The following PTPRO variants were observed in gnomAD, a reference collection of about 807,000 sequenced individuals.
PTPRO encodes protein tyrosine phosphatase receptor type O.
In PTPRO, 62 loss-of-function variants were observed where a neutral mutation model predicts 145.2. The observed-to-expected ratio is 0.43, with a 90% CI of 0.35 to 0.53. PTPRO has a LOEUF of 0.53. Among genes scored for constraint, PTPRO ranks in the 20% least tolerant of loss-of-function variants. PTPRO has a pLI of 0.01. For synonymous variants in PTPRO, 565 were observed against 514.7 expected, an observed-to-expected ratio of 1.10 and a Z score of -1.32; for missense variants, 1,345 against 1,482.7, an observed-to-expected ratio of 0.91 and a Z score of 1.53.
intron 1 of PTPRO, among the ~76,000 whole-genome samples, chr12:15,352,376 C>T (rs1214374400): frequency 6.6e-6 from 1 of 152,184 alleles, no homozygotes; most frequent in Admixed American, 6.5e-5. Flanking sequence ...TTCAGCCAGG[C>T]GTGGTGGCTC....
chr12:15,462,149 C>A (rs1267003838), intron 1 of PTPRO, among the ~76,000 whole-genome samples: 1 of 151,996 alleles, frequency 6.6e-6, no homozygotes, highest in African/African-American at 2.4e-5. Context: ...TTTGAGACGG[C>A]ATTTCACCCT....
chr12:15,575,611 A>G (rs1402708636), intron 19 of PTPRO, among the ~76,000 whole-genome samples: 1 of 152,224 alleles, frequency 6.6e-6, no homozygotes, highest in Non-Finnish European at 1.5e-5. Flanking sequence ...TATGCTTCAA[A>G]CACAGCCAAC....
chr12:15,583,674 A>G (rs999431852), intron 23 of PTPRO, among the ~76,000 whole-genome samples: 6 of 152,222 alleles, frequency 3.9e-5, no homozygotes, highest in Non-Finnish European at 7.3e-5. Flanking sequence ...AACCAAAACT[A>G]TATGATCTGC....
chr12:15,360,790 G>A (rs1015218822), intron 1 of PTPRO, among the ~76,000 whole-genome samples: 11 of 140,798 alleles, frequency 7.8e-5, no homozygotes, highest in Non-Finnish European at 1.7e-4. Flanking sequence ...ATATATGTGT[G>A]TATATGTGTG....
chr12:15,482,873 A>T (rs1045914202), intron 1 of PTPRO, among the ~76,000 whole-genome samples: 4 of 152,130 alleles, frequency 2.6e-5, no homozygotes, highest in Non-Finnish European at 4.4e-5. Context: ...AATGAGACTG[A>T]TTTTTTGTAC....
intron 1 of PTPRO, among the ~76,000 whole-genome samples, chr12:15,423,320 G>T (rs1227259187): frequency 1.3e-5 from 2 of 152,232 alleles, no homozygotes; most frequent in East Asian, 3.9e-4. Context: ...TGTGAAATTA[G>T]ACCATTAATT....
At chr12:15,528,332 T>C (rs866133899) in intron 12 of PTPRO, among the ~76,000 whole-genome samples, 92 of 146,634 alleles carry the variant, frequency 6.3e-4, no homozygotes, top group Non-Finnish European at 4.2e-4. Flanking sequence ...CTGGCTAACA[T>C]GGTGAAACCC....
intron 1 of PTPRO, among the ~76,000 whole-genome samples, chr12:15,347,597 C>T (rs896946540): frequency 6.6e-6 from 1 of 152,158 alleles, no homozygotes; most frequent in Non-Finnish European, 1.5e-5. Context: ...GTTTCACAAA[C>T]CTTGGCACAT....
intron 12 of PTPRO, among the ~76,000 whole-genome samples, chr12:15,530,595 A>G (rs1942941624): frequency 6.6e-6 from 1 of 152,184 alleles, no homozygotes; most frequent in Non-Finnish European, 1.5e-5. Flanking sequence ...AAACAAACAC[A>G]TGGAAATTGA....
Position 15,551,537 on chromosome 12 carries a change from A to T in PTPRO, c.2438-14A>T, listed in dbSNP as rs1276609156. The stretch of plus-strand genomic sequence containing the variant: ...AGAGAACCTATGATGAAAATGCACA[A>T]CTTATCTCTTTAGTTACAGAGATGA... On this transcript the variant is annotated splice_polypyrimidine_tract_variant and intron_variant, in intron 14 of 26. Coordinates refer to ENST00000281171, the MANE Select transcript of PTPRO (RefSeq NM_030667.3). 11 of 1,612,360 alleles carry T rather than the reference A, an allele frequency of 6.8e-6. No individual in the cohort carries two copies. Among genetic ancestry groups the T allele is most frequent in the Middle Eastern group, 3.3e-4 (2 of 6,078 alleles).
intron 4 of PTPRO, among the ~76,000 whole-genome samples, chr12:15,500,358 C>T (rs1942195344): frequency 6.6e-6 from 1 of 152,170 alleles, no homozygotes; most frequent in African/African-American, 2.4e-5. Flanking sequence ...AGCTAAATCA[C>T]TAATTCACCT....
chr12:15,453,686 T>C (rs1941104198), intron 1 of PTPRO, among the ~76,000 whole-genome samples: 2 of 152,210 alleles, frequency 1.3e-5, no homozygotes, highest in South Asian at 4.1e-4. Flanking sequence ...CAAGAACTTA[T>C]GATCTTGCAT....
chr12:15,526,300 C>G (rs1565685356), intron 12 of PTPRO, 38 bp downstream of exon 12: 1 of 1,610,778 alleles, frequency 6.2e-7, no homozygotes, highest in East Asian at 2.2e-5. Context: ...GAAATAATCA[C>G]TAATGTTTGC....
intron 1 of PTPRO, among the ~76,000 whole-genome samples, chr12:15,388,538 T>C (rs903786205): frequency 6.6e-6 from 1 of 152,200 alleles, no homozygotes; most frequent in African/African-American, 2.4e-5. Flanking sequence ...AAGGCACTAG[T>C]GTCTGAGCAG....
rs369906913 is a variant in PTPRO, at chr12:15,480,758, G to C, written c.76-3216G>C. ...GGATGGATGGATGGATGGATGGATG[G>C]ATGGATGCATGGATGGACGGACGGA... On this transcript the variant is annotated intron_variant, in intron 1 of 26. Coordinates refer to ENST00000281171, the MANE Select transcript of PTPRO (RefSeq NM_030667.3). Among the ~76,000 whole-genome samples, 829 of 151,122 alleles carry C rather than the reference G, an allele frequency of 5.5e-3. 2 individuals are homozygous for C. Among genetic ancestry groups the C allele is most frequent in the Non-Finnish European group, 9.1e-3 (618 of 67,644 alleles).
At chr12:15,416,697 T>G (rs1939988322) in intron 1 of PTPRO, among the ~76,000 whole-genome samples, 1 of 148,976 alleles carries the variant, frequency 6.7e-6, no homozygotes, top group South Asian at 2.1e-4. Flanking sequence ...TCTTGTATCC[T>G]ATCAGTGGTT....
Position 15,412,814 on chromosome 12 carries a change from G to A in PTPRO, c.76-71160G>A, listed in dbSNP as rs377352371. On this transcript the variant is annotated intron_variant, in intron 1 of 26. Coordinates refer to ENST00000281171, the MANE Select transcript of PTPRO (RefSeq NM_030667.3). ...TTTTGTTTTTGTTTTTGTTTTTTGA[G>A]ATGGACTCTCACTCTGTCTCCAAGG... Among the ~76,000 whole-genome samples, 5 of 152,006 alleles carry A rather than the reference G, an allele frequency of 3.3e-5. No homozygotes were observed. The East Asian group carries it at 5.8e-4, about 18-fold the overall frequency.
intron 12 of PTPRO, among the ~76,000 whole-genome samples, chr12:15,532,802 AC>A (rs1942988944): frequency 6.6e-6 from 1 of 151,884 alleles, no homozygotes; most frequent in Non-Finnish European, 1.5e-5. Context: ...CCGTTCAAAA[AC>A]TCATTTCCAG....
chr12:15,464,699 G>T (rs1001199263), intron 1 of PTPRO, among the ~76,000 whole-genome samples: 18 of 151,890 alleles, frequency 1.2e-4, no homozygotes, highest in Non-Finnish European at 2.4e-4. Flanking sequence ...TAAAACCTTT[G>T]TAAATAGAGA....
Sources: allele counts gnomAD v4.1 joint callset (sites outside exome capture counted in the v4.1 genomes callset), GRCh38; gene constraint gnomAD v4.1.1; transcripts MANE v1.5; gene names NCBI Gene and HGNC (gene_info 2026-07-23, HGNC 2026-07-21).